GPBP1L1: variants seen among roughly 807,000 people sequenced by gnomAD.
The protein encoded by GPBP1L1 is vasculin-like protein 1.
A neutral mutation model predicts 52.5 loss-of-function variants in GPBP1L1; 23 were observed. The observed-to-expected ratio is 0.44, with a 90% CI of 0.32 to 0.62. The LOEUF (loss-of-function observed/expected upper bound fraction) is 0.62, where lower values mean the gene tolerates loss of function less well. Among genes scored for constraint, GPBP1L1 ranks in the 20% least tolerant of loss-of-function variants. The pLI, the probability that GPBP1L1 is intolerant of heterozygous loss-of-function variation, is 0.06. For missense variants in GPBP1L1, 596 were observed against 579.3 expected (o/e 1.03, Z -0.30); for synonymous variants, 243 against 203.1 (o/e 1.20, Z -1.67).
In GPBP1L1 at chr1:45,656,867, T is replaced by C. The variant is rs1049620904; in HGVS notation, c.61-1548A>G. On this transcript the variant is annotated intron_variant, in intron 4 of 12. Transcript: ENST00000355105. ...TTGTTTTTTTTTTAAATTTTTCTTG[T>C]AGAGACAAGGTCTCACTTTGCTGCC... 2.4e-4 allele frequency among the ~76,000 whole-genome samples: 37 copies of C among 151,970 alleles called. 1 individual carries two copies. The highest frequency in any genetic ancestry group is 2.3e-3 in the Admixed American group (35 of 15,256).
chr1:45,651,427 G>T lies in GPBP1L1; in HGVS notation c.477+3116C>A, dbSNP rs555248142. On this transcript the variant is annotated intron_variant, in intron 6 of 12. Transcript: ENST00000355105. Reference sequence around the variant, plus strand: ...AGTGCTGACTCCTGCTTGAAAGACAGGTGGTCTCTTACTGGGGACATCCCC... The same window carrying T: ...AGTGCTGACTCCTGCTTGAAAGACATGTGGTCTCTTACTGGGGACATCCCC... The T allele has an allele frequency of 4.9e-4, 200 of 405,634 alleles. 4 individuals are homozygous for T. Among genetic ancestry groups the T allele is most frequent in the South Asian group, 4.6e-3 (198 of 42,852 alleles). The allele number at this position is 405,634 out of a possible 1,614,324, so 25.1% of individuals were successfully genotyped here.
At chr1:45,638,641 C>A (rs1024059354) in intron 8 of GPBP1L1, among the ~76,000 whole-genome samples, 2 of 152,092 alleles carry the variant, frequency 1.3e-5, no homozygotes, top group Non-Finnish European at 2.9e-5. Context: ...TAGTAACTCC[C>A]AGTGAATTTA....
In GPBP1L1 at chr1:45,666,574, T is replaced by C. The variant is rs77130781; in HGVS notation, c.-1097-5349A>G. ...AAGTTTAATAAATTTTTATGAATTA[T>C]AATAAAGCAAGGATGCAGAGAAATT... On this transcript the variant is annotated intron_variant, in intron 2 of 12. Coordinates refer to ENST00000355105, the MANE Select transcript of GPBP1L1 (RefSeq NM_021639.5). Among the ~76,000 whole-genome samples the C allele has an allele frequency of 3.0e-3, 460 of 152,282 alleles. 4 individuals are homozygous for C. Among genetic ancestry groups the C allele is most frequent in the East Asian group, 0.023 (117 of 5,186 alleles).
chr1:45,629,081 T>G (rs1239365758), intron 12 of GPBP1L1, among the ~76,000 whole-genome samples: 2 of 152,192 alleles, frequency 1.3e-5, no homozygotes, highest in Non-Finnish European at 2.9e-5. Flanking sequence ...GTTCAAGGAT[T>G]TTTATAGAAA....
chr1:45,634,212 T>A lies in GPBP1L1; in HGVS notation c.769A>T (p.Met257Leu). 1 of 1,613,382 alleles carries A rather than the reference T, an allele frequency of 6.2e-7. No individual in the cohort carries two copies. The highest frequency in any genetic ancestry group is 8.5e-7 in the Non-Finnish European group (1 of 1,179,542). Residue 257 changes from methionine to leucine, a missense_variant, in exon 9 of 13, where the codon ATG becomes TTG. Met to Leu is a conservative substitution (Grantham distance 15, BLOSUM62 2). Transcript: ENST00000355105. Reference sequence around the variant, plus strand: ...GAAAGGGATCCTGACTTGTGCTCCATCCTGTTAGCTTTCCATGCATTAGGC... The same window carrying A: ...GAAAGGGATCCTGACTTGTGCTCCAACCTGTTAGCTTTCCATGCATTAGGC... ...SKPNAWKANRMEHKSGSLSSS... is the reference protein window; with the variant it reads ...SKPNAWKANRLEHKSGSLSSS...
chr1:45,635,815 C>T (rs1450665519), intron 8 of GPBP1L1: 2 of 152,156 alleles, frequency 1.3e-5, no homozygotes, highest in Admixed American at 1.3e-4. Context: ...CTCAAACTTT[C>T]TCCCACCTCC....
chr1:45,680,566 A>C (rs906209862), intron 2 of GPBP1L1, among the ~76,000 whole-genome samples: 1 of 152,060 alleles, frequency 6.6e-6, no homozygotes, highest in South Asian at 2.1e-4. Context: ...TTTAAAAAGA[A>C]TCATTTAAAA....
At chr1:45,674,164 CCT>C (rs1341181653) in intron 2 of GPBP1L1, among the ~76,000 whole-genome samples, 11 of 152,152 alleles carry the variant, frequency 7.2e-5, no homozygotes, top group African/African-American at 2.7e-4. Context: ...TCTTAAATCC[CCT>C]GATTTCCATG....
Position 45,632,072 on chromosome 1 carries a change from A to T in GPBP1L1, c.1044+1417T>A, listed in dbSNP as rs72883687. 5.1e-3 allele frequency among the ~76,000 whole-genome samples: 769 copies of T among 152,256 alleles called. 7 individuals carry two copies. Among genetic ancestry groups the T allele is most frequent in the African/African-American group, 0.017 (724 of 41,546 alleles). Reference sequence around the variant, plus strand: ...CTTGTCTCTACTACATACAAAAAAAATTCCAGAAAATAGTATACTCTTTCA... The same window carrying T: ...CTTGTCTCTACTACATACAAAAAAATTTCCAGAAAATAGTATACTCTTTCA... On this transcript the variant is annotated intron_variant, in intron 10 of 12. Transcript: ENST00000355105.
intron 6 of GPBP1L1, among the ~76,000 whole-genome samples, chr1:45,645,141 G>C (rs1351710163): frequency 6.6e-6 from 1 of 152,038 alleles, no homozygotes; most frequent in African/African-American, 2.4e-5. Context: ...TATCTAGTTT[G>C]AAAAAATATT....
intron 3 of GPBP1L1, 70 bp downstream of exon 3, chr1:45,660,114 C>T: frequency 3.5e-6 from 3 of 867,144 alleles, no homozygotes; most frequent in Non-Finnish European, 4.2e-6. Flanking sequence ...CATCAGAAAG[C>T]AGTCGGTATT....
intron 8 of GPBP1L1, among the ~76,000 whole-genome samples, chr1:45,638,061 G>C (rs1480806090): frequency 1.3e-5 from 2 of 152,194 alleles, no homozygotes; most frequent in Non-Finnish European, 2.9e-5. Context: ...CTCTTCACTT[G>C]AATTCACATT....
At chr1:45,679,014 A>G (rs1385066436) in intron 2 of GPBP1L1, among the ~76,000 whole-genome samples, 1 of 152,216 alleles carries the variant, frequency 6.6e-6, no homozygotes, top group Non-Finnish European at 1.5e-5. Context: ...ATTTTTGCAT[A>G]TCTATATAGT....
At chr1:45,633,377 A>C in intron 10 of GPBP1L1, 112 bp downstream of exon 10, 1 of 1,066,388 alleles carries the variant, frequency 9.4e-7, no homozygotes, top group Non-Finnish European at 1.4e-6. Context: ...TACAGACAGT[A>C]TCTCTGTACA....
At chr1:45,678,251 A>T (rs1442481998) in intron 2 of GPBP1L1, among the ~76,000 whole-genome samples, 1 of 152,222 alleles carries the variant, frequency 6.6e-6, no homozygotes, top group Non-Finnish European at 1.5e-5. Flanking sequence ...TATACTAAAA[A>T]CCACTAAATC....
chr1:45,683,821 T>C (rs905426528), intron 2 of GPBP1L1, among the ~76,000 whole-genome samples: 1 of 146,962 alleles, frequency 6.8e-6, no homozygotes. Flanking sequence ...ACTAGGGAGG[T>C]TGAGGTGGGA....
At chr1:45,647,401 T>G (rs994933573) in intron 6 of GPBP1L1, among the ~76,000 whole-genome samples, 3 of 152,228 alleles carry the variant, frequency 2.0e-5, no homozygotes, top group Admixed American at 6.5e-5. Flanking sequence ...GTGACGGGCT[T>G]TGTTCTGGAA....
rs190713041 is a variant in GPBP1L1 at position 45,676,755 on chromosome 1, T to C, written c.-1098+8821A>G. Among the ~76,000 whole-genome samples the C allele has an allele frequency of 2.0e-3, 293 of 150,220 alleles. 1 individual carries two copies. The highest frequency in any genetic ancestry group is 6.8e-3 in the African/African-American group (280 of 40,896). On this transcript the variant is annotated intron_variant, in intron 2 of 12. Coordinates refer to ENST00000355105, the MANE Select transcript of GPBP1L1 (RefSeq NM_021639.5). ...AAAATTAGGCATGGTGGCACATGCCTGTAGTCCCAGCTACTTGGGAAGCTG... is the reference window on the plus strand; with the variant it reads ...AAAATTAGGCATGGTGGCACATGCCCGTAGTCCCAGCTACTTGGGAAGCTG...
chr1:45,642,347 A>G, intron 7 of GPBP1L1, 80 bp downstream of exon 7: 1 of 895,806 alleles, frequency 1.1e-6, no homozygotes, highest in Non-Finnish European at 1.9e-6. Flanking sequence ...AGAGATAAAA[A>G]GAGATAAGGA....
Sources: gnomAD v4.1 joint callset for allele counts (sites outside exome capture counted in the v4.1 genomes callset) on GRCh38, gnomAD v4.1.1 for gene constraint, MANE v1.5 for transcripts, NCBI Gene and HGNC (gene_info 2026-07-23, HGNC 2026-07-21) for gene names.